Variants in RBPMS observed in about 807,000 individuals in gnomAD.
RBPMS encodes RNA-binding protein with multiple splicing.
RBPMS carries 7 observed loss-of-function variants against 26.8 expected under a neutral mutation model. That is an observed-to-expected ratio of 0.26 (90% CI 0.15 to 0.49). The LOEUF (loss-of-function observed/expected upper bound fraction) is 0.49. Ranked by LOEUF, RBPMS falls within the 20% of genes least tolerant of loss-of-function variation. RBPMS has a pLI of 0.98. For synonymous variants in RBPMS, 96 were observed against 93.3 expected, an observed-to-expected ratio of 1.03 and a Z score of -0.17; for missense variants, 186 against 250.0, an observed-to-expected ratio of 0.74 and a Z score of 1.73.
In RBPMS at chr8:30,479,259, A is replaced by G. The variant is rs532106490; in HGVS notation, c.184-56A>G. 5.4e-6 allele frequency: 7 copies of G among 1,307,778 alleles called. No individual in the cohort carries two copies. The East Asian group carries it at 1.4e-4, about 26-fold the overall frequency. 81.0% of individuals were successfully genotyped at this position (1,307,778 alleles called of 1,614,324 possible). A position where few individuals can be genotyped will look rare whatever the true frequency, so the allele number is the denominator to read the frequency against. On this transcript the variant is annotated intron_variant, in intron 3 of 8. Transcript: ENST00000397323. Reference sequence around the variant, plus strand: ...TTCAGTTTGATGTCACCCTTGACCTAGAAAAGTAGACATCATCTGATTTTT... The same window carrying G: ...TTCAGTTTGATGTCACCCTTGACCTGGAAAAGTAGACATCATCTGATTTTT...
At chr8:30,421,475 C>T (rs1810782291) in intron 1 of RBPMS, among the ~76,000 whole-genome samples, 1 of 152,106 alleles carries the variant, frequency 6.6e-6, no homozygotes, top group Non-Finnish European at 1.5e-5. Flanking sequence ...GTTTGTGTTT[C>T]TTATTAAAAA....
chr8:30,537,070 AG>A (rs1011767933), intron 5 of RBPMS, among the ~76,000 whole-genome samples: 1 of 152,212 alleles, frequency 6.6e-6, no homozygotes, highest in African/African-American at 2.4e-5. Context: ...GGTCATAGGA[AG>A]GAGGAGGAAT....
At chr8:30,477,261 C>T (rs530437760) in intron 2 of RBPMS, among the ~76,000 whole-genome samples, 8 of 152,228 alleles carry the variant, frequency 5.3e-5, no homozygotes, top group East Asian at 1.9e-4. Flanking sequence ...CACCACTTGT[C>T]GATGGTCTCG....
Position 30,488,940 on chromosome 8 carries a change from TG to T in RBPMS, c.246+9568del, listed in dbSNP as rs1463432697. On this transcript the variant is annotated intron_variant, in intron 4 of 8. Coordinates refer to ENST00000397323, the MANE Select transcript of RBPMS (RefSeq NM_001008710.3). ...TCCAGGCCCTGCCACTTTACTGATT[TG>T]GGGGCTCTTCTTCAAGCCTTGATTT... 1.2e-4 allele frequency among the ~76,000 whole-genome samples: 19 copies of T among 152,298 alleles called. 2 individuals carry two copies. Among genetic ancestry groups the T allele is most frequent in the African/African-American group, 4.3e-4 (18 of 41,560 alleles).
chr8:30,474,433 AT>A (rs1817470704), intron 1 of RBPMS, among the ~76,000 whole-genome samples: 1 of 152,114 alleles, frequency 6.6e-6, no homozygotes, highest in African/African-American at 2.4e-5. Context: ...CATCCTTCAC[AT>A]TTTTAGAAGT....
intron 1 of RBPMS, among the ~76,000 whole-genome samples, chr8:30,444,494 G>A (rs1029431188): frequency 2.6e-5 from 4 of 152,102 alleles, no homozygotes; most frequent in African/African-American, 9.7e-5. Flanking sequence ...TTTGAACAGG[G>A]CCTGGCATTT....
At chr8:30,555,529 CT>C (rs1292135027) in intron 6 of RBPMS, among the ~76,000 whole-genome samples, 2 of 152,172 alleles carry the variant, frequency 1.3e-5, no homozygotes, top group East Asian at 3.8e-4. Context: ...GTGTGCAAGA[CT>C]GTGAGTGTGC....
intron 1 of RBPMS, among the ~76,000 whole-genome samples, chr8:30,450,193 C>T (rs962412648): frequency 4.6e-5 from 7 of 152,190 alleles, no homozygotes; most frequent in Admixed American, 3.3e-4. Flanking sequence ...TTAAAATCAA[C>T]GAGCATAGTA....
chr8:30,468,169 C>A (rs939331824), intron 1 of RBPMS, among the ~76,000 whole-genome samples: 2 of 152,108 alleles, frequency 1.3e-5, no homozygotes, highest in Non-Finnish European at 2.9e-5. Flanking sequence ...TTGGGCTTTT[C>A]TTTCCCCAAA....
chr8:30,483,628 T>C (rs1818497744), intron 4 of RBPMS, among the ~76,000 whole-genome samples: 1 of 152,126 alleles, frequency 6.6e-6, no homozygotes, highest in African/African-American at 2.4e-5. Context: ...AATTTTGCTA[T>C]TTTAATGACT....
chr8:30,446,903 A>C (rs1813928223), intron 1 of RBPMS: 1 of 151,136 alleles, frequency 6.6e-6, no homozygotes, highest in Non-Finnish European at 1.5e-5. Context: ...TATTTTGCCC[A>C]AGGTGACTTT....
chr8:30,528,435 C>T (rs1233728516), intron 5 of RBPMS, among the ~76,000 whole-genome samples: 1 of 152,084 alleles, frequency 6.6e-6, no homozygotes, highest in Admixed American at 6.5e-5. Context: ...GCCTTATGGG[C>T]TCCAGATGGG....
chr8:30,544,746 T>C (rs1202842276), intron 6 of RBPMS, 122 bp downstream of exon 6: 1 of 1,600,134 alleles, frequency 6.2e-7, no homozygotes, highest in Non-Finnish European at 8.5e-7. Flanking sequence ...CTCAAGAGAT[T>C]AATGATCCCC....
chr8:30,455,181 A>G (rs142244732), intron 1 of RBPMS, among the ~76,000 whole-genome samples: 2 of 152,334 alleles, frequency 1.3e-5, no homozygotes, highest in African/African-American at 4.8e-5. Context: ...TATGATGGAT[A>G]AGTGAGAAGG....
At chr8:30,506,284 A>C (rs1454536676) in intron 5 of RBPMS, among the ~76,000 whole-genome samples, 1 of 150,858 alleles carries the variant, frequency 6.6e-6, no homozygotes, top group Non-Finnish European at 1.5e-5. Context: ...GATAGTTTCC[A>C]TGACAGGGTA....
At chr8:30,504,234 G>T in intron 4 of RBPMS, 52 bp from the exon 5 acceptor site, 1 of 1,606,112 alleles carries the variant, frequency 6.2e-7, no homozygotes, top group African/African-American at 1.3e-5. Context: ...CACCATTCCG[G>T]TTTGACTCAA....
At chr8:30,455,741 T>A (rs769813045) in intron 1 of RBPMS, among the ~76,000 whole-genome samples, 36 of 151,872 alleles carry the variant, frequency 2.4e-4, no homozygotes, top group Non-Finnish European at 4.3e-4. Flanking sequence ...TACAAAAAAA[T>A]TAGCCAGGCG....
intron 4 of RBPMS, among the ~76,000 whole-genome samples, chr8:30,502,713 T>C (rs904769392): frequency 6.6e-6 from 1 of 152,188 alleles, no homozygotes; most frequent in Non-Finnish European, 1.5e-5. Context: ...TTAATTCTGT[T>C]GTAATATTAG....
chr8:30,513,587 C>CAAA lies in RBPMS; in HGVS notation c.397+9177_397+9179dup, dbSNP rs56184994. 1.9e-3 allele frequency among the ~76,000 whole-genome samples: 203 copies of CAAA among 108,472 alleles called. 10 individuals are homozygous for CAAA. Among genetic ancestry groups the CAAA allele is most frequent in the Admixed American group, 4.5e-3 (45 of 10,094 alleles). The allele number at this position is 108,472 out of a possible 152,430, so 71.2% of individuals were successfully genotyped here. A position where few individuals can be genotyped will look rare whatever the true frequency, so the allele number is the denominator to read the frequency against. On this transcript the variant is annotated intron_variant, in intron 5 of 8. Coordinates refer to ENST00000397323, the MANE Select transcript of RBPMS (RefSeq NM_001008710.3). ...TGGGCGACACAGCGAGACTCCATCT[C>CAAA]AAAAAAAAAAAAAAAAAAAAAAAAA...
Sources: gnomAD v4.1 joint callset for allele counts (sites outside exome capture counted in the v4.1 genomes callset) on GRCh38, gnomAD v4.1.1 for gene constraint, MANE v1.5 for transcripts, NCBI Gene and HGNC (gene_info 2026-07-23, HGNC 2026-07-21) for gene names.